Variants in SLC26A7 observed in about 807,000 individuals in gnomAD.
SLC26A7 encodes anion exchange transporter.
In SLC26A7, 59 loss-of-function variants were observed where a neutral mutation model predicts 82.5. The ratio of observed to expected loss-of-function variants is 0.72; its 90% confidence interval spans 0.58 to 0.89. The LOEUF is 0.89. Ranked by LOEUF, SLC26A7 falls within the 40% of genes least tolerant of loss-of-function variation. SLC26A7 has a pLI of 0.00. For missense variants in SLC26A7, 820 were observed against 793.0 expected (o/e 1.03, Z -0.41); for synonymous variants, 271 against 274.3 (o/e 0.99, Z 0.12).
intron 4 of SLC26A7, among the ~76,000 whole-genome samples, chr8:91,317,937 AAG>A (rs1272800924): frequency 1.5e-5 from 1 of 66,036 alleles, no homozygotes; most frequent in Non-Finnish European, 3.8e-5. Context: ...AAACTATAAT[AAG>A]ATATATATAT....
At chr8:91,322,824 C>T (rs186352690) in intron 5 of SLC26A7, among the ~76,000 whole-genome samples, 5 of 152,204 alleles carry the variant, frequency 3.3e-5, no homozygotes, top group Admixed American at 2.0e-4. Context: ...TTATTTTCTG[C>T]CCTAAAAATG....
At chr8:91,266,039 A>G (rs562526889) in intron 2 of SLC26A7, among the ~76,000 whole-genome samples, 91 of 151,978 alleles carry the variant, frequency 6.0e-4, no homozygotes, top group African/African-American at 2.1e-3. Flanking sequence ...CATTTTATTT[A>G]TGATTTTTTT....
chr8:91,383,314 G>C (rs1814714395), intron 15 of SLC26A7, among the ~76,000 whole-genome samples: 1 of 152,136 alleles, frequency 6.6e-6, no homozygotes, highest in Non-Finnish European at 1.5e-5. Context: ...AGGGAAGCCA[G>C]GAAAACAGCT....
At position 91,388,217 on chromosome 8, in the gene SLC26A7, A is replaced by G. The variant is rs185585306; in HGVS notation, c.1676-1121A>G. Among the ~76,000 whole-genome samples, 806 of 148,360 alleles carry G rather than the reference A, an allele frequency of 5.4e-3. 11 individuals carry two copies. The highest frequency in any genetic ancestry group is 0.019 in the African/African-American group (731 of 39,300). ...ACGATCTCGACTCACTGCAAGCTCC[A>G]CCTCCCGGGTTCACGCCGTTCTCCT... On this transcript the variant is annotated intron_variant, in intron 15 of 18. Coordinates refer to ENST00000276609, the MANE Select transcript of SLC26A7 (RefSeq NM_052832.4).
At position 91,366,571 on chromosome 8, in the gene SLC26A7, C is replaced by T. The variant is rs2130875430; in HGVS notation, c.1489-9C>T. 4 of 1,608,970 alleles carry T rather than the reference C, an allele frequency of 2.5e-6. No individual in the cohort carries two copies. The highest frequency in any genetic ancestry group is 2.2e-5 in the East Asian group (1 of 44,722). On this transcript the variant is annotated splice_polypyrimidine_tract_variant and intron_variant, in intron 13 of 18. Coordinates refer to ENST00000276609, the MANE Select transcript of SLC26A7 (RefSeq NM_052832.4). ...TTAGAGTTCTGAATCTGTTTTTCTCCTCCAAAAGGAAACCCTGCAGCAGGT... is the reference window on the plus strand; with the variant it reads ...TTAGAGTTCTGAATCTGTTTTTCTCTTCCAAAAGGAAACCCTGCAGCAGGT...
At chr8:91,262,034 C>G (rs1018237470) in intron 2 of SLC26A7, among the ~76,000 whole-genome samples, 2 of 152,016 alleles carry the variant, frequency 1.3e-5, no homozygotes, top group African/African-American at 4.8e-5. Flanking sequence ...TCAGAGTGTT[C>G]AACTTTGACC....
rs1438412466 is a variant in SLC26A7 at position 91,340,457 on chromosome 8, A to C, written c.932A>C (p.Glu311Ala). 2 of 1,613,834 alleles carry C rather than the reference A, an allele frequency of 1.2e-6. No individual in the cohort carries two copies. The highest frequency in any genetic ancestry group is 1.7e-6 in the Non-Finnish European group (2 of 1,179,932). The change falls in exon 8 of 19, where the codon GAA becomes GCA. Residue 311 changes from glutamate to alanine, a missense_variant. Glu to Ala is a moderately radical substitution (Grantham distance 107, BLOSUM62 -1). Coordinates refer to ENST00000276609, the MANE Select transcript of SLC26A7 (RefSeq NM_052832.4). Reference protein sequence around the residue: ...PMNILSAVITEAFGVALVGYV... With the variant: ...PMNILSAVITAAFGVALVGYV... ...AACATCCTCTCTGCGGTGATCACTG[A>C]AGCTTTCGGAGTGGCACTTGTAGGC...
chr8:91,307,621 G>A (rs1812351296), intron 4 of SLC26A7, among the ~76,000 whole-genome samples: 1 of 131,656 alleles, frequency 7.6e-6, no homozygotes, highest in Non-Finnish European at 1.6e-5. Context: ...GACACAGGAA[G>A]GGGAACATCA....
At chr8:91,339,238 AC>A (rs1371823368) in intron 7 of SLC26A7, among the ~76,000 whole-genome samples, 1 of 152,134 alleles carries the variant, frequency 6.6e-6, no homozygotes, top group African/African-American at 2.4e-5. Context: ...CTGTAATGAT[AC>A]AAATCAATTT....
chr8:91,216,035 A>C (rs1276223634), intron 1 of SLC26A7, among the ~76,000 whole-genome samples: 1 of 152,182 alleles, frequency 6.6e-6, no homozygotes, highest in Non-Finnish European at 1.5e-5. Flanking sequence ...AATTATGCTG[A>C]GTTGTTTTTC....
chr8:91,227,811 C>G (rs774212713), intron 2 of SLC26A7, among the ~76,000 whole-genome samples: 1 of 152,144 alleles, frequency 6.6e-6, no homozygotes, highest in Non-Finnish European at 1.5e-5. Flanking sequence ...AAGCTTCTTA[C>G]ATCTCCAGAA....
intron 2 of SLC26A7, among the ~76,000 whole-genome samples, chr8:91,236,776 C>G (rs1810398986): frequency 6.6e-6 from 1 of 152,142 alleles, no homozygotes; most frequent in Non-Finnish European, 1.5e-5. Flanking sequence ...TCAACTAATA[C>G]TGATTGTCAT....
At chr8:91,343,027 T>A in intron 8 of SLC26A7, 1 of 192,130 alleles carries the variant, frequency 5.2e-6, no homozygotes, top group South Asian at 1.1e-4. Flanking sequence ...ATTGTGAAGG[T>A]CATTTGTGCA....
chr8:91,358,291 C>T (rs1813933730), intron 11 of SLC26A7, among the ~76,000 whole-genome samples: 1 of 151,508 alleles, frequency 6.6e-6, no homozygotes, highest in Admixed American at 6.6e-5. Flanking sequence ...AATCATGCTG[C>T]TATAAAGACA....
intron 2 of SLC26A7, among the ~76,000 whole-genome samples, chr8:91,278,958 G>C (rs550200780): frequency 6.6e-6 from 1 of 151,666 alleles, no homozygotes; most frequent in South Asian, 2.1e-4. Flanking sequence ...CTTTCTATTA[G>C]TTAAGCTTCT....
intron 11 of SLC26A7, among the ~76,000 whole-genome samples, chr8:91,355,159 T>G (rs1013476761): frequency 1.3e-5 from 2 of 152,118 alleles, no homozygotes; most frequent in Admixed American, 1.3e-4. Flanking sequence ...AACGTAATTT[T>G]TTTGTTGTTA....
At chr8:91,371,315 G>A (rs1324176190) in intron 15 of SLC26A7, among the ~76,000 whole-genome samples, 2 of 151,626 alleles carry the variant, frequency 1.3e-5, no homozygotes, top group South Asian at 4.2e-4. Flanking sequence ...AGATTCAGGG[G>A]AGACGTGCAG....
chr8:91,219,961 C>T lies in SLC26A7; in HGVS notation c.-34+956C>T, dbSNP rs368803256. ...CTTCTTGTCACTACGTATGGTCCTT[C>T]TGGTGGAAAGCTGAGTGGAGTCTCT... is the stretch of plus-strand genomic sequence containing the variant. On this transcript the variant is annotated intron_variant, in intron 2 of 5. Transcript: ENST00000522862. Among the ~76,000 whole-genome samples the T allele has an allele frequency of 2.3e-4, 35 of 152,284 alleles. No individual in the cohort carries two copies. The East Asian group carries it at 4.8e-3, about 21-fold the overall frequency.
At chr8:91,381,260 A>C (rs1299481895) in intron 15 of SLC26A7, among the ~76,000 whole-genome samples, 1 of 152,166 alleles carries the variant, frequency 6.6e-6, no homozygotes, top group Non-Finnish European at 1.5e-5. Flanking sequence ...AATATGTAGA[A>C]TGTTTTTGTA....
Sources: gnomAD v4.1 joint callset for allele counts (sites outside exome capture counted in the v4.1 genomes callset) on GRCh38, gnomAD v4.1.1 for gene constraint, MANE v1.5 for transcripts, NCBI Gene and HGNC (gene_info 2026-07-23, HGNC 2026-07-21) for gene names.